The following EEF1AKMT2 variants were observed in gnomAD, a reference collection of about 807,000 sequenced individuals.
The protein encoded by EEF1AKMT2 is eukaryotic translation elongation factor 1 alpha lysine methyltransferase 2.
In EEF1AKMT2, 32 loss-of-function variants were observed where a neutral mutation model predicts 35.8. The observed-to-expected ratio is 0.89, with a 90% CI of 0.67 to 1.20. The LOEUF (loss-of-function observed/expected upper bound fraction) is 1.20, where lower values mean the gene tolerates loss of function less well. Among genes scored for constraint, EEF1AKMT2 ranks in the 50% most tolerant of loss-of-function variants. The pLI is 0.00. For synonymous variants in EEF1AKMT2, 121 were observed against 133.7 expected (o/e 0.91, Z 0.65); for missense variants, 330 against 347.5 (o/e 0.95, Z 0.40).
chr10:124,791,528 G>A (rs1315769178), intron 1 of EEF1AKMT2, among the ~76,000 whole-genome samples, 196 bp downstream of exon 1: 3 of 152,078 alleles, frequency 2.0e-5, no homozygotes, highest in Non-Finnish European at 4.4e-5. Flanking sequence ...TTGAAACGTC[G>A]GTTAACCGCG....
In EEF1AKMT2 at chr10:124,784,478, G is replaced by A. The variant is rs7093238; in HGVS notation, c.291+4565C>T. Among the ~76,000 whole-genome samples the A allele has an allele frequency of 4.3e-3, 660 of 152,154 alleles. 4 individuals carry two copies. Among genetic ancestry groups the A allele is most frequent in the African/African-American group, 0.015 (619 of 41,530 alleles). On this transcript the variant is annotated intron_variant, in intron 3 of 6. Coordinates refer to ENST00000368836, the MANE Select transcript of EEF1AKMT2 (RefSeq NM_212554.4). ...AACATATCAAAATTTGTGGGATGCAGCAGTGCTTACTGATAAATTCATAGC... is the reference window on the plus strand; with the variant it reads ...AACATATCAAAATTTGTGGGATGCAACAGTGCTTACTGATAAATTCATAGC...
chr10:124,781,748 G>A (rs185546465), intron 3 of EEF1AKMT2, among the ~76,000 whole-genome samples: 43 of 142,758 alleles, frequency 3.0e-4, no homozygotes, highest in African/African-American at 9.0e-4. Context: ...TTCTTAGACA[G>A]AAAGAAAAAA....
At chr10:124,776,515 C>T (rs969331080) in intron 3 of EEF1AKMT2, among the ~76,000 whole-genome samples, 2 of 152,162 alleles carry the variant, frequency 1.3e-5, no homozygotes, top group Non-Finnish European at 2.9e-5. Flanking sequence ...GGGCCAGACA[C>T]GGTGGCTCAC....
rs1414544581 is a variant in EEF1AKMT2, at chr10:124,788,710, T to TTTTATATATATATATATATATATATATA, written c.291+332_291+333insTATATATATATATATATATATATATAAA. Among the ~76,000 whole-genome samples the TTTTATATATATATATATATATATATATA allele has an allele frequency of 4.8e-3, 443 of 92,478 alleles. 18 individuals are homozygous for TTTTATATATATATATATATATATATATA. Among genetic ancestry groups the TTTTATATATATATATATATATATATATA allele is most frequent in the African/African-American group, 0.014 (406 of 29,642 alleles). The allele number at this position is 92,478 out of a possible 152,430, so 60.7% of individuals were successfully genotyped here. On this transcript the variant is annotated intron_variant, in intron 3 of 6. Coordinates refer to ENST00000368836, the MANE Select transcript of EEF1AKMT2 (RefSeq NM_212554.4). ...CTACTGGAATTGCAAAAGGTCATCT[T>TTTTATATATATATATATATATATATATA]TATATATATATATATATATGCATTT...
rs1367425041 is a variant in EEF1AKMT2 at position 124,760,362 on chromosome 10, G to A, written c.*141C>T. The A allele has an allele frequency of 7.7e-7, 1 of 1,305,318 alleles. No homozygotes were observed. Among genetic ancestry groups the A allele is most frequent in the Admixed American group, 1.8e-5 (1 of 54,170 alleles). 80.9% of individuals were successfully genotyped at this position (1,305,318 alleles called of 1,614,324 possible). ...GGATTTTCTGTGTCAGGTTAACTTT[G>A]CTGTGTAGATTCTGTGTAGCTACCT... On this transcript the variant is annotated 3_prime_UTR_variant, in exon 7 of 7. Coordinates refer to ENST00000368836, the MANE Select transcript of EEF1AKMT2 (RefSeq NM_212554.4).
chr10:124,774,462 T>C (rs1950471506), intron 4 of EEF1AKMT2, among the ~76,000 whole-genome samples: 1 of 139,358 alleles, frequency 7.2e-6, no homozygotes, highest in South Asian at 2.5e-4. Flanking sequence ...TTTGCAAACA[T>C]CAGGAGCAGT....
At chr10:124,791,455 C>A (rs1157075225) in intron 1 of EEF1AKMT2, among the ~76,000 whole-genome samples, 1 of 152,140 alleles carries the variant, frequency 6.6e-6, no homozygotes, top group Non-Finnish European at 1.5e-5. Flanking sequence ...TTCGAGACTC[C>A]CAAAAGGCCT....
downstream of EEF1AKMT2, among the ~76,000 whole-genome samples, chr10:124,756,786 GGGTATTT>G: frequency 6.6e-6 from 1 of 152,160 alleles, no homozygotes; most frequent in Non-Finnish European, 1.5e-5. Context: ...CTGTGGGCTT[GGGTATTT>G]GTCTGCTTGA....
Sources: gnomAD v4.1 joint callset for allele counts (sites outside exome capture counted in the v4.1 genomes callset) on GRCh38, gnomAD v4.1.1 for gene constraint, MANE v1.5 for transcripts, NCBI Gene and HGNC (gene_info 2026-07-23, HGNC 2026-07-21) for gene names.